SCN10A: variants seen among roughly 807,000 people sequenced by gnomAD.
The protein encoded by SCN10A is sodium voltage-gated channel alpha subunit 10.
SCN10A carries 162 observed loss-of-function variants against 170.7 expected under a neutral mutation model. That is an observed-to-expected ratio of 0.95 (90% confidence interval 0.84 to 1.08). The LOEUF (loss-of-function observed/expected upper bound fraction) is 1.08. Among genes scored for constraint, SCN10A ranks in the 50% least tolerant of loss-of-function variants. The probability of loss-of-function intolerance (pLI) is 0.00; values close to 1 mark genes in which losing one functional copy is unlikely to be tolerated. For missense variants in SCN10A, 2,527 were observed against 2,436.9 expected, an observed-to-expected ratio of 1.04 and a Z score of -0.78; for synonymous variants, 985 against 904.6, an observed-to-expected ratio of 1.09 and a Z score of -1.59.
intron 8 of SCN10A, among the ~76,000 whole-genome samples, chr3:38,758,266 A>G (rs536546848): frequency 6.6e-6 from 1 of 152,322 alleles, no homozygotes; most frequent in Non-Finnish European, 1.5e-5. Context: ...ATTTAAAGAT[A>G]GGCTCTTGGT....
chr3:38,721,811 G>A (rs560686621), intron 20 of SCN10A, among the ~76,000 whole-genome samples: 85 of 152,356 alleles, frequency 5.6e-4, no homozygotes, highest in African/African-American at 1.9e-3. Context: ...TTTGGAAGTG[G>A]TTTGATAAGG....
chr3:38,747,300 G>A (rs950573004), intron 13 of SCN10A, among the ~76,000 whole-genome samples: 4 of 151,938 alleles, frequency 2.6e-5, no homozygotes, highest in Admixed American at 2.0e-4. Flanking sequence ...CACTCCCGCC[G>A]CCAACCACCC....
intron 1 of SCN10A, among the ~76,000 whole-genome samples, chr3:38,801,845 A>G (rs2064373223): frequency 6.6e-6 from 1 of 152,174 alleles, no homozygotes; most frequent in South Asian, 2.1e-4. Flanking sequence ...GCTCTTATCT[A>G]CTTATATACA....
chr3:38,754,933 C>A (rs894682220), intron 11 of SCN10A, among the ~76,000 whole-genome samples: 2 of 152,146 alleles, frequency 1.3e-5, no homozygotes, highest in Non-Finnish European at 2.9e-5. Context: ...CAGATATTAT[C>A]TGTCAGACCT....
chr3:38,750,400 T>A (rs2063735730), intron 12 of SCN10A, among the ~76,000 whole-genome samples: 1 of 152,230 alleles, frequency 6.6e-6, no homozygotes, highest in Admixed American at 6.5e-5. Flanking sequence ...CTTCTATACA[T>A]CTAGGCTAAA....
At chr3:38,767,446 T>C (rs1450617833) in intron 5 of SCN10A, among the ~76,000 whole-genome samples, 1 of 152,086 alleles carries the variant, frequency 6.6e-6, no homozygotes, top group Admixed American at 6.5e-5. Context: ...GTGACTATTA[T>C]CATTCAGTTC....
At chr3:38,787,050 T>C (rs1289027075) in intron 4 of SCN10A, among the ~76,000 whole-genome samples, 1 of 152,174 alleles carries the variant, frequency 6.6e-6, no homozygotes, top group Non-Finnish European at 1.5e-5. Flanking sequence ...AGTTTAAAGT[T>C]TGTCAAGTAA....
At chr3:38,700,114 A>G (rs2063141392) in intron 27 of SCN10A, among the ~76,000 whole-genome samples, 1 of 152,258 alleles carries the variant, frequency 6.6e-6, no homozygotes, top group Non-Finnish European at 1.5e-5. Flanking sequence ...CAAACAAAAC[A>G]AAACAAAAAT....
chr3:38,731,001 A>G (rs1351982909), intron 15 of SCN10A, among the ~76,000 whole-genome samples: 1 of 152,244 alleles, frequency 6.6e-6, no homozygotes, highest in African/African-American at 2.4e-5. Context: ...TTACAAAACT[A>G]AAGATTCAAG....
Position 38,742,449 on chromosome 3 carries a change from T to G in SCN10A, c.1948A>C (p.Met650Leu). 6.2e-7 allele frequency: 1 copy of G among 1,614,168 alleles called. No individual in the cohort carries two copies. Among genetic ancestry groups the G allele is most frequent in the Non-Finnish European group, 8.5e-7 (1 of 1,180,040 alleles). Residue 650 changes from methionine (M) to leucine (L), a missense_variant, in exon 14 of 28, where the codon ATG becomes CTG. Met to Leu is a conservative substitution (Grantham distance 15, BLOSUM62 2). Coordinates refer to ENST00000449082, the MANE Select transcript of SCN10A (RefSeq NM_006514.4). ...AGAATTGTCTTGAGCTTCACCCACA[T>G]GGGGCAGCAATCCCAGATCAGATAC... ...QKYLIWDCCP[M>L]WVKLKTILFG...
intron 4 of SCN10A, among the ~76,000 whole-genome samples, chr3:38,786,484 T>G (rs550927979): frequency 7.9e-5 from 12 of 151,470 alleles, no homozygotes; most frequent in Non-Finnish European, 1.3e-4. Context: ...GTTGAGGGGT[T>G]GGGGGCTAGG....
chr3:38,756,582 A>C, intron 10 of SCN10A, 92 bp downstream of exon 10: 1 of 1,014,468 alleles, frequency 9.9e-7, no homozygotes, highest in Non-Finnish European at 1.5e-6. Flanking sequence ...TAGCTCCCTA[A>C]ACGGTGCCCT....
chr3:38,739,485 T>A, intron 15 of SCN10A, 30 bp downstream of exon 15: 1 of 1,601,524 alleles, frequency 6.2e-7, no homozygotes, highest in Non-Finnish European at 8.5e-7. Context: ...GGGTGGGAGT[T>A]TCCCCAAGCC....
rs141296602 is a variant in SCN10A, at chr3:38,718,197, G to C, written c.3681+456C>G. ...TAAGATCAGAATCTCTGGGGTAGTG[G>C]TGGTCGGTCACTGCATATTTCATAG... On this transcript the variant is annotated intron_variant, in intron 21 of 27. Coordinates refer to ENST00000449082, the MANE Select transcript of SCN10A (RefSeq NM_006514.4). Among the ~76,000 whole-genome samples the C allele has an allele frequency of 4.4e-3, 669 of 152,348 alleles. 8 individuals carry two copies. The highest frequency in any genetic ancestry group is 0.015 in the African/African-American group (630 of 41,572).
At position 38,713,969 on chromosome 3, in the gene SCN10A, C is replaced by T; in HGVS notation, c.3793G>A (p.Glu1265Lys). 6.2e-7 allele frequency: 1 copy of T among 1,613,594 alleles called. No individual in the cohort carries two copies. Among genetic ancestry groups the T allele is most frequent in the East Asian group, 2.2e-5 (1 of 44,868 alleles). ...GAGATCAGACTTACCCGCATGCCTTCAAATCGAGAAAGAGCCCGCAGTGGC... is the reference window on the plus strand; with the variant it reads ...GAGATCAGACTTACCCGCATGCCTTTAAATCGAGAAAGAGCCCGCAGTGGC... ...LRPLRALSRFEGMRVVVDALV... is the reference protein window; with the variant it reads ...LRPLRALSRFKGMRVVVDALV... Residue 1265 changes from glutamate to lysine, a missense_variant, in exon 22 of 28, where the codon GAA becomes AAA. Coordinates refer to ENST00000449082, the MANE Select transcript of SCN10A (RefSeq NM_006514.4).
intron 21 of SCN10A, among the ~76,000 whole-genome samples, chr3:38,714,602 C>T (rs996250725): frequency 6.6e-6 from 1 of 152,152 alleles, no homozygotes; most frequent in African/African-American, 2.4e-5. Flanking sequence ...GGGTTAGTGC[C>T]TGGCTAGTCC....
In SCN10A at chr3:38,742,257, C is replaced by T. The variant is rs368186964; in HGVS notation, c.2106+34G>A. 30 of 1,529,582 alleles carry T rather than the reference C, an allele frequency of 2.0e-5. No homozygotes were observed. In the African/African-American group the frequency reaches 2.9e-4, roughly 15 times the overall value. 94.8% of individuals were successfully genotyped at this position (1,529,582 alleles called of 1,614,324 possible). On this transcript the variant is annotated intron_variant, in intron 14 of 27. Transcript: ENST00000449082. Reference sequence around the variant, plus strand: ...CATCATCCCCACCCCGCCCCGACCACGCCAGTGAGGGCAGTACCAGCCAGA... The same window carrying T: ...CATCATCCCCACCCCGCCCCGACCATGCCAGTGAGGGCAGTACCAGCCAGA...
chr3:38,710,524 T>G (rs544262353), intron 24 of SCN10A, among the ~76,000 whole-genome samples: 2 of 152,302 alleles, frequency 1.3e-5, no homozygotes, highest in South Asian at 4.1e-4. Flanking sequence ...ATTTAGCTAC[T>G]ACCCTTGCTT....
At chr3:38,725,072 G>T in intron 18 of SCN10A, 102 bp downstream of exon 18, 1 of 1,158,318 alleles carries the variant, frequency 8.6e-7, no homozygotes, top group Non-Finnish European at 1.2e-6. Context: ...ATTGAGTGCA[G>T]TCTGGAATAC....
Sources: gnomAD v4.1 joint callset for allele counts (sites outside exome capture counted in the v4.1 genomes callset) on GRCh38, gnomAD v4.1.1 for gene constraint, MANE v1.5 for transcripts, NCBI Gene and HGNC (gene_info 2026-07-23, HGNC 2026-07-21) for gene names.